The following HECW2 variants were observed in gnomAD, a reference collection of about 807,000 sequenced individuals.
The protein encoded by HECW2 is E3 ubiquitin-protein ligase HECW2.
In HECW2, 61 loss-of-function variants were observed where a neutral mutation model predicts 175.2. The ratio of observed to expected loss-of-function variants is 0.35; its 90% CI spans 0.28 to 0.43. HECW2 has a LOEUF of 0.43. HECW2 is among the 20% of genes least tolerant of loss of function. The pLI, the probability that HECW2 is intolerant of heterozygous loss-of-function variation, is 1.00. For synonymous variants in HECW2, 671 were observed against 731.0 expected, an observed-to-expected ratio of 0.92 and a Z score of 1.32; for missense variants, 1,524 against 2,000.5, an observed-to-expected ratio of 0.76 and a Z score of 4.54.
chr2:196,486,775 C>T (rs1687021597), intron 1 of HECW2, among the ~76,000 whole-genome samples: 1 of 152,126 alleles, frequency 6.6e-6, no homozygotes, highest in Admixed American at 6.6e-5. Flanking sequence ...TCCTCAGTGT[C>T]CACCTCTTAT....
chr2:196,435,234 G>C (rs1324142937), intron 1 of HECW2, among the ~76,000 whole-genome samples: 1 of 152,184 alleles, frequency 6.6e-6, no homozygotes, highest in Non-Finnish European at 1.5e-5. Flanking sequence ...CTTATTTTCT[G>C]TATGTGGTCT....
At chr2:196,512,821 C>G (rs1435768379) in intron 1 of HECW2, among the ~76,000 whole-genome samples, 2 of 152,012 alleles carry the variant, frequency 1.3e-5, no homozygotes, top group African/African-American at 4.8e-5. Context: ...TCCCAAGTAC[C>G]TGGGATTACA....
chr2:196,551,432 G>A (rs527472142), intron 1 of HECW2, among the ~76,000 whole-genome samples: 2 of 152,306 alleles, frequency 1.3e-5, no homozygotes, highest in Admixed American at 1.3e-4. Flanking sequence ...GTGACAGTCT[G>A]TAGATAACAC....
intron 2 of HECW2, among the ~76,000 whole-genome samples, chr2:196,383,180 C>T (rs190170332): frequency 1.3e-5 from 2 of 152,298 alleles, no homozygotes; most frequent in Admixed American, 1.3e-4. Flanking sequence ...AAGCATAAGT[C>T]TCAAATGTCT....
At chr2:196,330,947 T>C (rs1049242455) in intron 4 of HECW2, among the ~76,000 whole-genome samples, 6 of 152,150 alleles carry the variant, frequency 3.9e-5, no homozygotes, top group Admixed American at 3.3e-4. Flanking sequence ...TTTTAAACTC[T>C]TTCTCCCCTT....
At chr2:196,503,792 A>G (rs1298728530) in intron 1 of HECW2, among the ~76,000 whole-genome samples, 2 of 152,204 alleles carry the variant, frequency 1.3e-5, no homozygotes, top group East Asian at 1.9e-4. Context: ...CACAAACACA[A>G]AAGTTTCAAA....
At chr2:196,228,354 A>G in intron 21 of HECW2, 100 bp from the exon 22 acceptor site, 1 of 1,070,704 alleles carries the variant, frequency 9.3e-7, no homozygotes. Context: ...GCTCATTACA[A>G]ATCTAATTGT....
chr2:196,534,671 T>G (rs974545049), intron 1 of HECW2, among the ~76,000 whole-genome samples: 3 of 152,104 alleles, frequency 2.0e-5, no homozygotes, highest in Non-Finnish European at 4.4e-5. Context: ...GAGATATAAA[T>G]TTTTCAAAGA....
At chr2:196,415,887 T>G (rs555143822) in intron 2 of HECW2, among the ~76,000 whole-genome samples, 1 of 151,990 alleles carries the variant, frequency 6.6e-6, no homozygotes, top group African/African-American at 2.4e-5. Flanking sequence ...GTGTTGGGAG[T>G]TGAAGATTAA....
intron 11 of HECW2, among the ~76,000 whole-genome samples, 195 bp downstream of exon 11, chr2:196,307,740 A>G (rs374716462): frequency 3.3e-5 from 5 of 152,154 alleles, no homozygotes; most frequent in African/African-American, 1.2e-4. Context: ...CAAGGTATAT[A>G]TGTGGGTGAG....
At chr2:196,567,775 T>A (rs1690235839) in intron 1 of HECW2, among the ~76,000 whole-genome samples, 1 of 152,220 alleles carries the variant, frequency 6.6e-6, no homozygotes. Context: ...AAAATTTCAG[T>A]AGTAGGATGT....
rs1420167937 is a variant in HECW2 at position 196,227,984 on chromosome 2, C to T, written c.3917+118G>A. On this transcript the variant is annotated intron_variant, in intron 22 of 28. Transcript: ENST00000644978. ...AACAAGAGTCAAATGAGGTATTTAA[C>T]TGAAAATATGACTTTGCCCAAGGGA... is the stretch of plus-strand genomic sequence containing the variant. 3.3e-6 allele frequency: 3 copies of T among 910,974 alleles called. No individual in the cohort carries two copies. The East Asian group carries it at 8.4e-5, about 26-fold the overall frequency. 56.4% of individuals were successfully genotyped at this position (910,974 alleles called of 1,614,324 possible). A position where few individuals can be genotyped will look rare whatever the true frequency, so the allele number is the denominator to read the frequency against.
intron 15 of HECW2, among the ~76,000 whole-genome samples, chr2:196,278,159 TTCCAC>T (rs1553489759): frequency 1.7e-4 from 21 of 121,198 alleles, no homozygotes; most frequent in East Asian, 3.1e-4. Context: ...TATAAAGAAA[TTCCAC>T]ATTTAACCAA....
intron 17 of HECW2, among the ~76,000 whole-genome samples, chr2:196,270,915 T>C (rs1689706772): frequency 1.3e-5 from 2 of 152,222 alleles, no homozygotes; most frequent in East Asian, 1.9e-4. Context: ...AGGATGGTCT[T>C]GATCTCTTGA....
chr2:196,379,743 TGCAATTCC>T (rs1694157188), intron 2 of HECW2, among the ~76,000 whole-genome samples: 3 of 151,198 alleles, frequency 2.0e-5, no homozygotes, highest in Middle Eastern at 3.4e-3. Flanking sequence ...CCTAAATATG[TGCAATTCC>T]TCAATAAAAC....
chr2:196,299,928 CAAAA>C (rs68024134), intron 13 of HECW2, among the ~76,000 whole-genome samples: 35 of 144,688 alleles, frequency 2.4e-4, no homozygotes, highest in Admixed American at 2.7e-4. Context: ...AACTCTGTCT[CAAAA>C]AAAAAAAAAA....
At chr2:196,334,979 C>A (rs1692498969) in intron 3 of HECW2, among the ~76,000 whole-genome samples, 1 of 152,140 alleles carries the variant, frequency 6.6e-6, no homozygotes, top group South Asian at 2.1e-4. Flanking sequence ...CTGTCTGATT[C>A]CAAAGCCTTC....
chr2:196,514,979 C>T (rs1019113768), intron 1 of HECW2, among the ~76,000 whole-genome samples: 2 of 152,232 alleles, frequency 1.3e-5, no homozygotes, highest in African/African-American at 2.4e-5. Context: ...AGGAGAGAAG[C>T]GGCCCTTTAG....
chr2:196,332,896 A>G (rs917258131), intron 4 of HECW2, among the ~76,000 whole-genome samples: 1 of 152,158 alleles, frequency 6.6e-6, no homozygotes, highest in Non-Finnish European at 1.5e-5. Context: ...TCAAAGTCTT[A>G]TATAGTAAAT....
Sources: allele counts gnomAD v4.1 joint callset (sites outside exome capture counted in the v4.1 genomes callset), GRCh38; gene constraint gnomAD v4.1.1; transcripts MANE v1.5; gene names NCBI Gene and HGNC (gene_info 2026-07-23, HGNC 2026-07-21).